Variants in SLC25A48 observed in about 807,000 individuals in gnomAD.
SLC25A48 encodes CTC-321K16.1.
A neutral mutation model predicts 32.2 loss-of-function variants in SLC25A48; 29 were observed. The ratio of observed to expected loss-of-function variants is 0.90; its 90% CI spans 0.67 to 1.23. SLC25A48 has a LOEUF of 1.23. Among genes scored for constraint, SLC25A48 ranks in the 50% most tolerant of loss-of-function variants. The pLI is 0.00. For synonymous variants in SLC25A48, 164 were observed against 172.3 expected (o/e 0.95, Z 0.38); for missense variants, 399 against 422.7 (o/e 0.94, Z 0.49).
intron 1 of SLC25A48, among the ~76,000 whole-genome samples, chr5:135,611,488 C>G (rs538381558): frequency 1.6e-5 from 1 of 61,310 alleles, no homozygotes; most frequent in East Asian, 7.8e-4. Flanking sequence ...CAGAGCGAGA[C>G]TCCATCTCAA....
At chr5:135,761,235 C>T (rs1756052405) in intron 3 of SLC25A48, among the ~76,000 whole-genome samples, 1 of 152,100 alleles carries the variant, frequency 6.6e-6, no homozygotes, top group Non-Finnish European at 1.5e-5. Flanking sequence ...ATCACTTGAG[C>T]CCAGGAGGTT....
chr5:135,888,133 C>G lies in SLC25A48; in HGVS notation c.*109C>G. On this transcript the variant is annotated 3_prime_UTR_variant, in exon 8 of 8. Transcript: ENST00000681962. The stretch of plus-strand genomic sequence containing the variant: ...GGCCTTTGGACCTCCAAGTGGACAT[C>G]AATTAGCAAGCGTGGGCTAGGATGG... 2 of 1,536,260 alleles carry G rather than the reference C, an allele frequency of 1.3e-6. No individual in the cohort carries two copies. Among genetic ancestry groups the G allele is most frequent in the Non-Finnish European group, 1.8e-6 (2 of 1,133,606 alleles).
chr5:135,657,349 T>TGCTGTAGAACA (rs1753277126), intron 3 of SLC25A48, among the ~76,000 whole-genome samples: 1 of 152,220 alleles, frequency 6.6e-6, no homozygotes, highest in Non-Finnish European at 1.5e-5. Flanking sequence ...TTTCTCAGAA[T>TGCTGTAGAACA]GCTGTAGAAC....
intron 3 of SLC25A48, among the ~76,000 whole-genome samples, chr5:135,732,583 A>T (rs1009375641): frequency 5.3e-5 from 8 of 152,188 alleles, no homozygotes; most frequent in African/African-American, 1.9e-4. Flanking sequence ...AACACTGAGA[A>T]GTGATTTCCT....
chr5:135,782,693 A>G (rs1314845311), intron 3 of SLC25A48, among the ~76,000 whole-genome samples: 10 of 117,968 alleles, frequency 8.5e-5, no homozygotes, highest in African/African-American at 2.6e-4. Flanking sequence ...AAGGGAGAGG[A>G]TATTACTCCC....
At chr5:135,884,874 T>C (rs1391047614) in intron 7 of SLC25A48, among the ~76,000 whole-genome samples, 2 of 139,118 alleles carry the variant, frequency 1.4e-5, no homozygotes, top group Non-Finnish European at 1.5e-5. Context: ...TCTTCAGGTG[T>C]CTGAGCTTTT....
At chr5:135,612,012 CA>C (rs1752083079) in intron 1 of SLC25A48, among the ~76,000 whole-genome samples, 1 of 152,132 alleles carries the variant, frequency 6.6e-6, no homozygotes, top group Non-Finnish European at 1.5e-5. Context: ...TTAAGGTGCC[CA>C]GGCAACATGA....
chr5:135,817,043 TAGAA>T (rs979012629), intron 4 of SLC25A48, among the ~76,000 whole-genome samples: 6 of 152,360 alleles, frequency 3.9e-5, no homozygotes, highest in Admixed American at 6.5e-5. Flanking sequence ...AAATGTATTT[TAGAA>T]AGAGCAAAGT....
intron 6 of SLC25A48, chr5:135,874,630 G>A: frequency 1.4e-6 from 1 of 692,582 alleles, no homozygotes; most frequent in Admixed American, 2.0e-5. Context: ...TCCCACCTGA[G>A]CCCTGACCCC....
intron 3 of SLC25A48, among the ~76,000 whole-genome samples, chr5:135,806,958 A>G (rs182896936): frequency 8.0e-5 from 12 of 150,700 alleles, no homozygotes; most frequent in Admixed American, 7.3e-4. Context: ...TATTTTGAAT[A>G]TCATAATAAC....
At chr5:135,769,561 G>T (rs1756345866) in intron 3 of SLC25A48, among the ~76,000 whole-genome samples, 1 of 151,618 alleles carries the variant, frequency 6.6e-6, no homozygotes, top group South Asian at 2.1e-4. Context: ...ATATTCAGGT[G>T]AGGAGAGAAT....
upstream of SLC25A48, chr5:135,834,600 T>C: frequency 2.1e-6 from 1 of 486,932 alleles, no homozygotes; most frequent in Non-Finnish European, 3.6e-6. Flanking sequence ...AGCGCACCCT[T>C]ATCCACCCAG....
intron 3 of SLC25A48, among the ~76,000 whole-genome samples, chr5:135,810,205 T>C (rs1757561819): frequency 1.3e-5 from 2 of 152,304 alleles, no homozygotes; most frequent in Non-Finnish European, 2.9e-5. Flanking sequence ...TTTGACCAAA[T>C]TGGCCCTGAG....
chr5:135,779,518 G>A (rs1181693359), intron 3 of SLC25A48, among the ~76,000 whole-genome samples: 1 of 120,886 alleles, frequency 8.3e-6, no homozygotes, highest in African/African-American at 2.5e-5. Flanking sequence ...TGCAGGGGGT[G>A]TACATGCCCC....
rs116122055 is a variant in SLC25A48 at position 135,717,278 on chromosome 5, C to T, written c.-521+82322C>T. Among the ~76,000 whole-genome samples the T allele has an allele frequency of 5.6e-3, 850 of 152,298 alleles. 6 individuals carry two copies. The highest frequency in any genetic ancestry group is 0.019 in the African/African-American group (803 of 41,544). ...TCTTGCGGTCACAGACAGCACATTG[C>T]CTACTCCCTCTGCCCTGTCAACCCA... On this transcript the variant is annotated intron_variant, in intron 3 of 10. Coordinates refer to the SLC25A48 transcript ENST00000646290.
At chr5:135,884,062 GT>G (rs1214914302) in intron 7 of SLC25A48, among the ~76,000 whole-genome samples, 4 of 152,282 alleles carry the variant, frequency 2.6e-5, no homozygotes, top group Non-Finnish European at 4.4e-5. Context: ...GTGCAGAACT[GT>G]CATACAAAAT....
chr5:135,766,193 G>A (rs746019896), intron 3 of SLC25A48, among the ~76,000 whole-genome samples: 2 of 151,222 alleles, frequency 1.3e-5, no homozygotes, highest in Non-Finnish European at 3.0e-5. Context: ...AGTATGGTTT[G>A]TAATATTCAG....
intron 3 of SLC25A48, among the ~76,000 whole-genome samples, chr5:135,753,154 C>T (rs1460089807): frequency 2.0e-5 from 3 of 151,952 alleles, no homozygotes; most frequent in East Asian, 1.9e-4. Flanking sequence ...AACAGGTATA[C>T]TCCTTCTGTG....
intron 3 of SLC25A48, among the ~76,000 whole-genome samples, chr5:135,784,237 G>T (rs1365596711): frequency 2.3e-5 from 2 of 86,798 alleles, no homozygotes; most frequent in African/African-American, 6.0e-5. Flanking sequence ...GAAAGAGGAT[G>T]ATATTACTCC....
Sources: allele counts gnomAD v4.1 joint callset (sites outside exome capture counted in the v4.1 genomes callset), GRCh38; gene constraint gnomAD v4.1.1; transcripts MANE v1.5; gene names NCBI Gene and HGNC (gene_info 2026-07-23, HGNC 2026-07-21).